The following TEKT1 variants were observed in gnomAD, a reference collection of about 807,000 sequenced individuals.
TEKT1 encodes the protein tektin 1.
A neutral mutation model predicts 34.8 loss-of-function variants in TEKT1; 32 were observed. The observed-to-expected ratio is 0.92, with a 90% CI of 0.69 to 1.23. The LOEUF (loss-of-function observed/expected upper bound fraction) is 1.23. Ranked by LOEUF, TEKT1 falls within the 50% of genes most tolerant of loss-of-function variation. The probability of loss-of-function intolerance (pLI) is 0.00; values close to 1 mark genes in which losing one functional copy is unlikely to be tolerated. For synonymous variants in TEKT1, 207 were observed against 199.8 expected (o/e 1.04, Z -0.30); for missense variants, 492 against 518.5 (o/e 0.95, Z 0.50).
Position 6,811,658 on chromosome 17 carries a change from G to A in TEKT1, c.852+1173C>T, listed in dbSNP as rs1976929385. Reference sequence around the variant, plus strand: ...GTCCACAACTGGACTCTGAGCTCTGGGAGGGAGTGTTCAGGATGTGGCAAC... The same window carrying A: ...GTCCACAACTGGACTCTGAGCTCTGAGAGGGAGTGTTCAGGATGTGGCAAC... On this transcript the variant is annotated intron_variant, in intron 6 of 7. Transcript: ENST00000338694. The surrounding 1 kb of genome is among the most constrained non-coding windows in gnomAD (Gnocchi z 4.4). Among the ~76,000 whole-genome samples the A allele has an allele frequency of 6.6e-6, 1 of 152,122 alleles. No individual in the cohort carries two copies. Among genetic ancestry groups the A allele is most frequent in the African/African-American group, 2.4e-5 (1 of 41,430 alleles).
rs535960666 is a variant in TEKT1, at chr17:6,808,236, G to A, written c.852+4595C>T. 9.8e-5 allele frequency among the ~76,000 whole-genome samples: 15 copies of A among 152,318 alleles called. No homozygotes were observed. The South Asian group carries it at 2.1e-3, about 21-fold the overall frequency. ...TCAGACTGCTGTGCTAGCAGTGAGC[G>A]AGGCTCCGTGGGTGTAGGACCCTCC... On this transcript the variant is annotated intron_variant, in intron 6 of 7. Coordinates refer to ENST00000338694, the MANE Select transcript of TEKT1 (RefSeq NM_053285.2).
intron 4 of TEKT1, 134 bp downstream of exon 4, chr17:6,815,700 C>T (rs1976995534): frequency 1.5e-6 from 2 of 1,362,224 alleles, no homozygotes; most frequent in Non-Finnish European, 2.0e-6. Flanking sequence ...AGTGCTGGGG[C>T]AATCTGGGGA....
At chr17:6,815,408 G>T in intron 4 of TEKT1, 102 bp from the exon 5 acceptor site, 2 of 1,403,556 alleles carry the variant, frequency 1.4e-6, no homozygotes, top group Non-Finnish European at 2.0e-6. Context: ...TAGGTCTGGT[G>T]CAGGATGATG....
intron 6 of TEKT1, among the ~76,000 whole-genome samples, chr17:6,809,251 T>C (rs1976892550): frequency 6.6e-6 from 1 of 152,162 alleles, no homozygotes; most frequent in Non-Finnish European, 1.5e-5. Context: ...CTTTTGTTTT[T>C]TATGGAGTCT....
chr17:6,805,042 C>A (rs1182712943), intron 6 of TEKT1, among the ~76,000 whole-genome samples: 1 of 152,110 alleles, frequency 6.6e-6, no homozygotes, highest in Non-Finnish European at 1.5e-5. Flanking sequence ...GGAATGATAC[C>A]AGCTCCTCCT....
intron 2 of TEKT1, among the ~76,000 whole-genome samples, chr17:6,826,188 G>T (rs1193301060): frequency 6.6e-6 from 1 of 151,966 alleles, no homozygotes; most frequent in Non-Finnish European, 1.5e-5. Context: ...TAATTTGTAT[G>T]TCCCTGATGA....
chr17:6,828,751 G>T (rs370827877), intron 2 of TEKT1, among the ~76,000 whole-genome samples: 1 of 152,068 alleles, frequency 6.6e-6, no homozygotes, highest in East Asian at 1.9e-4. Context: ...GCCGACGTTG[G>T]TTGTTTGTTT....
chr17:6,811,976 C>T lies in TEKT1; in HGVS notation c.852+855G>A, dbSNP rs1976935373. Among the ~76,000 whole-genome samples the T allele has an allele frequency of 1.3e-5, 2 of 152,146 alleles. No individual in the cohort carries two copies. The highest frequency in any genetic ancestry group is 2.4e-5 in the African/African-American group (1 of 41,446). ...TAACCCCCTCTGATATGGTTTGGCT[C>T]TGTGTCCCCACCCAAATCTCATCTT... On this transcript the variant is annotated intron_variant, in intron 6 of 7. Coordinates refer to ENST00000338694, the MANE Select transcript of TEKT1 (RefSeq NM_053285.2). The surrounding 1 kb of genome is among the most constrained non-coding windows in gnomAD (Gnocchi z 4.4).
rs766366842 is a variant in TEKT1 at position 6,830,293 on chromosome 17, G to A, written c.84C>T (p.Asp28=). ...IANKNQYHRA[D]AQRSRSERLV... ...GGCGTTCTGATCGGGACCTTTGAGC[G>A]TCTGCTCTGTGGTACTGGTTCTTGT... is the stretch of plus-strand genomic sequence containing the variant. Residue 28 remains aspartate (D), a synonymous_variant, in exon 2 of 8, where the codon GAC becomes GAT. Coordinates refer to ENST00000338694, the MANE Select transcript of TEKT1 (RefSeq NM_053285.2). 58 of 1,613,268 alleles carry A rather than the reference G, an allele frequency of 3.6e-5. No individual in the cohort carries two copies. The highest frequency in any genetic ancestry group is 1.6e-4 in the Middle Eastern group (1 of 6,084).
chr17:6,800,847 A>G lies in TEKT1; in HGVS notation c.949T>C (p.Leu317=), dbSNP rs771072869. The part of the protein sequence containing the change: ...EGPAKVAHTR[L]ETRTHRPNVE... ...TTCGGCCGGTGTGTCCTGGTCTCCA[A>G]GCGCGTATGAGCCACCTTGGCTGGC... The change falls in exon 7 of 8, where the codon TTG becomes CTG. Residue 317 remains leucine (L), a synonymous_variant. Transcript: ENST00000338694. The G allele has an allele frequency of 2.5e-6, 4 of 1,614,154 alleles. No individual in the cohort carries two copies. The highest frequency in any genetic ancestry group is 1.1e-5 in the South Asian group (1 of 91,070).
chr17:6,825,496 T>C (rs1320705434), intron 2 of TEKT1, among the ~76,000 whole-genome samples: 1 of 152,174 alleles, frequency 6.6e-6, no homozygotes, highest in African/African-American at 2.4e-5. Flanking sequence ...TAACTTTTTA[T>C]TGAAATATCA....
chr17:6,817,658 T>A (rs1453228005), intron 3 of TEKT1, among the ~76,000 whole-genome samples: 4 of 152,160 alleles, frequency 2.6e-5, no homozygotes, highest in Non-Finnish European at 5.9e-5. Flanking sequence ...AACGTTTTGC[T>A]CTTTTTCAAC....
chr17:6,806,316 C>A (rs1164815400), intron 6 of TEKT1, among the ~76,000 whole-genome samples: 1 of 151,862 alleles, frequency 6.6e-6, no homozygotes, highest in Non-Finnish European at 1.5e-5. Context: ...TTTCCATTTG[C>A]TTGGTAGATC....
At chr17:6,822,312 T>C (rs575968895) in intron 2 of TEKT1, among the ~76,000 whole-genome samples, 1 of 152,214 alleles carries the variant, frequency 6.6e-6, no homozygotes, top group South Asian at 2.1e-4. Context: ...AATTTTCTTA[T>C]TTTTGTAGAG....
At chr17:6,810,618 G>A (rs1019490678) in intron 6 of TEKT1, among the ~76,000 whole-genome samples, 3 of 152,210 alleles carry the variant, frequency 2.0e-5, no homozygotes, top group Non-Finnish European at 4.4e-5. Context: ...GTGACACACT[G>A]TATGTGATGT....
At chr17:6,829,327 T>A (rs1904496709) in intron 2 of TEKT1, among the ~76,000 whole-genome samples, 1 of 152,190 alleles carries the variant, frequency 6.6e-6, no homozygotes, top group Non-Finnish European at 1.5e-5. Context: ...TCCCTTGGTA[T>A]CCTCAGAGGA....
chr17:6,814,605 G>A (rs768082308), intron 5 of TEKT1, among the ~76,000 whole-genome samples: 3 of 152,148 alleles, frequency 2.0e-5, no homozygotes, highest in Non-Finnish European at 4.4e-5. Context: ...TTGGGAGGCC[G>A]AGGCGGGCAG....
intron 6 of TEKT1, among the ~76,000 whole-genome samples, chr17:6,809,406 A>G (rs952268922): frequency 6.6e-6 from 1 of 151,966 alleles, no homozygotes; most frequent in Admixed American, 6.6e-5. Flanking sequence ...TAATTTTTGT[A>G]TTTTTAGTAG....
chr17:6,807,429 C>G (rs1976861909), intron 6 of TEKT1, among the ~76,000 whole-genome samples: 1 of 152,148 alleles, frequency 6.6e-6, no homozygotes, highest in Non-Finnish European at 1.5e-5. Context: ...TCCTTTAGCT[C>G]AGAGTAGTTT....
Sources: gnomAD v4.1 joint callset for allele counts (sites outside exome capture counted in the v4.1 genomes callset) on GRCh38, gnomAD v4.1.1 for gene constraint, Gnocchi (gnomAD v3.1) non-coding constraint, MANE v1.5 for transcripts, NCBI Gene and HGNC (gene_info 2026-07-23, HGNC 2026-07-21) for gene names.